The following WDR48 variants were observed in gnomAD, a reference collection of about 807,000 sequenced individuals.
WDR48 encodes the protein WD repeat-containing protein 48.
In WDR48, 22 loss-of-function variants were observed where a neutral mutation model predicts 94.0. That is an observed-to-expected ratio of 0.23 (90% CI 0.17 to 0.33). The LOEUF (loss-of-function observed/expected upper bound fraction) is 0.33, where lower values mean the gene tolerates loss of function less well. WDR48 is among the 10% of genes least tolerant of loss of function. The probability of loss-of-function intolerance (pLI) is 1.00; values close to 1 mark genes in which losing one functional copy is unlikely to be tolerated. For missense variants in WDR48, 541 were observed against 813.8 expected (o/e 0.66, Z 4.08); for synonymous variants, 278 against 280.5 (o/e 0.99, Z 0.09).
chr3:39,058,772 G>C (rs2033066357), intron 1 of WDR48, among the ~76,000 whole-genome samples: 2 of 152,114 alleles, frequency 1.3e-5, no homozygotes, highest in African/African-American at 4.8e-5. Context: ...TAATGGAGAA[G>C]ATACACCAAA....
At chr3:39,052,191 G>C in intron 1 of WDR48, 118 bp downstream of exon 1, 1 of 1,287,052 alleles carries the variant, frequency 7.8e-7, no homozygotes, top group South Asian at 1.4e-5. Flanking sequence ...GAACGGGGCG[G>C]GGCGCGGCCG....
intron 8 of WDR48, among the ~76,000 whole-genome samples, chr3:39,075,261 T>G (rs1394993163): frequency 6.8e-6 from 1 of 147,240 alleles, no homozygotes; most frequent in African/African-American, 2.5e-5. Flanking sequence ...TCTTGGTACA[T>G]CAGTGATGCA....
At chr3:39,075,990 G>A (rs1391170493) in intron 8 of WDR48, among the ~76,000 whole-genome samples, 2 of 152,084 alleles carry the variant, frequency 1.3e-5, no homozygotes, top group African/African-American at 2.4e-5. Context: ...GCCACCACAC[G>A]TGGCCGGAAG....
At chr3:39,086,779 C>T (rs759953493) in intron 14 of WDR48, among the ~76,000 whole-genome samples, 1 of 152,196 alleles carries the variant, frequency 6.6e-6, no homozygotes, top group Non-Finnish European at 1.5e-5. Flanking sequence ...GTGGTATAGT[C>T]ATGCACCCTT....
At chr3:39,072,665 G>A (rs552805521) in intron 7 of WDR48, among the ~76,000 whole-genome samples, 1 of 152,302 alleles carries the variant, frequency 6.6e-6, no homozygotes, top group African/African-American at 2.4e-5. Flanking sequence ...TTCTGTCCTA[G>A]TCCCAGGAGT....
chr3:39,073,786 T>A (rs753631071), intron 7 of WDR48, among the ~76,000 whole-genome samples: 22 of 152,184 alleles, frequency 1.4e-4, no homozygotes, highest in Non-Finnish European at 2.5e-4. Context: ...TTGAGGCTCA[T>A]ATGGAAAGTG....
At position 39,087,936 on chromosome 3, in the gene WDR48, A is replaced by G. The variant is rs761142987; in HGVS notation, c.1475-192A>G. ...AAAATACAGTCATTTTTTCCATGAA[A>G]TAGACCACAAGTTGCTGTGTTTCTT... is the stretch of plus-strand genomic sequence containing the variant. On this transcript the variant is annotated intron_variant, in intron 14 of 18. Transcript: ENST00000302313. 7.4e-5 allele frequency: 42 copies of G among 566,228 alleles called. No individual in the cohort carries two copies. The East Asian group carries it at 1.0e-3, about 14-fold the overall frequency. 35.1% of individuals were successfully genotyped at this position (566,228 alleles called of 1,614,324 possible). A position where few individuals can be genotyped will look rare whatever the true frequency, so the allele number is the denominator to read the frequency against.
intron 14 of WDR48, 60 bp from the exon 15 acceptor site, chr3:39,088,068 T>G (rs1324285594): frequency 3.6e-5 from 55 of 1,517,970 alleles, no homozygotes; most frequent in Non-Finnish European, 5.0e-5. Flanking sequence ...GAGTAAAATG[T>G]TTAGAATCTG....
In WDR48 at chr3:39,093,902, C is replaced by T; in HGVS notation, c.1774C>T (p.Gln592Ter). ...TAGACTCTCTGCTAGTGACATGCTCCAAGTCCGAAAAGTTATGGAACATGT... is the reference window on the plus strand; with the variant it reads ...TAGACTCTCTGCTAGTGACATGCTCTAAGTCCGAAAAGTTATGGAACATGT... ...KDRLSASDML[Q>*]VRKVMEHVYE... is the part of the protein sequence containing the mutation. The change falls in exon 18 of 19, where the codon CAA (glutamine) becomes TAA (stop). Residue 592 changes from glutamine (Q) to a stop codon, truncating the protein, a stop_gained. Coordinates refer to ENST00000302313, the MANE Select transcript of WDR48 (RefSeq NM_020839.4). LOFTEE classifies it high-confidence loss of function. 1 of 1,611,182 alleles carries T rather than the reference C, an allele frequency of 6.2e-7. No individual in the cohort carries two copies. Among genetic ancestry groups the T allele is most frequent in the Non-Finnish European group, 8.5e-7 (1 of 1,178,958 alleles).
intron 1 of WDR48, among the ~76,000 whole-genome samples, chr3:39,061,806 A>G (rs2033282262): frequency 6.6e-6 from 1 of 151,946 alleles, no homozygotes; most frequent in South Asian, 2.1e-4. Context: ...CTGGCATGAG[A>G]TGGTATCTCA....
chr3:39,084,651 A>G lies in WDR48; in HGVS notation c.1288A>G (p.Thr430Ala). 6.2e-7 allele frequency: 1 copy of G among 1,613,682 alleles called. No individual in the cohort carries two copies. Among genetic ancestry groups the G allele is most frequent in the Non-Finnish European group, 8.5e-7 (1 of 1,179,818 alleles). The change falls in exon 13 of 19, where the codon ACT becomes GCT. Residue 430 changes from threonine (T) to alanine (A), a missense_variant. Around this residue, in one of 5 missense-constraint regions of WDR48, gnomAD observed 238 missense variants for 285.3 expected, o/e 0.83. Coordinates refer to ENST00000302313, the MANE Select transcript of WDR48 (RefSeq NM_020839.4). ...FSVDLKTGML[T>A]ITLDESDCFA... ...AAGTTTTTTCTTTTGATAGATGTTA[A>G]CTATTACTTTGGATGAAAGTGATTG... is the stretch of plus-strand genomic sequence containing the variant.
intron 11 of WDR48, among the ~76,000 whole-genome samples, chr3:39,081,186 C>T (rs1384698585): frequency 3.3e-5 from 5 of 152,100 alleles, no homozygotes; most frequent in African/African-American, 7.2e-5. Flanking sequence ...AGGTGTTGAG[C>T]TTATTATAAA....
At chr3:39,054,330 T>C (rs547826050) in intron 1 of WDR48, among the ~76,000 whole-genome samples, 11 of 152,302 alleles carry the variant, frequency 7.2e-5, no homozygotes, top group Non-Finnish European at 1.3e-4. Context: ...GAGGGAGCTG[T>C]CCTATGCATC....
intron 2 of WDR48, among the ~76,000 whole-genome samples, chr3:39,063,913 T>C (rs1028727515): frequency 2.6e-5 from 4 of 152,226 alleles, no homozygotes; most frequent in South Asian, 4.1e-4. Context: ...ATCACACCAC[T>C]GCATTCCAGC....
Position 39,065,911 on chromosome 3 carries a change from TATTG to T in WDR48, c.268+23_268+26del, listed in dbSNP as rs773106310. 3.6e-4 allele frequency: 554 copies of T among 1,543,624 alleles called. 1 individual carries two copies. The highest frequency in any genetic ancestry group is 7.9e-4 in the South Asian group (63 of 80,066). On this transcript the variant is annotated intron_variant, in intron 3 of 18. Coordinates refer to ENST00000302313, the MANE Select transcript of WDR48 (RefSeq NM_020839.4). ...ACATGTAAGTATTTCTTTGGATTAT[TATTG>T]GGCTTCTGATATATTTTTTGTTTTT...
At chr3:39,063,413 G>C (rs1019821108) in intron 2 of WDR48, among the ~76,000 whole-genome samples, 2 of 152,102 alleles carry the variant, frequency 1.3e-5, no homozygotes, top group African/African-American at 4.8e-5. Context: ...CCCTAAACTA[G>C]GTTTGCCTTA....
chr3:39,084,016 G>T, intron 11 of WDR48, 139 bp from the exon 12 acceptor site: 1 of 526,032 alleles, frequency 1.9e-6, no homozygotes, highest in Middle Eastern at 4.3e-4. Flanking sequence ...TTTAAAAAAG[G>T]ACCACATTCT....
rs2035286043 is a variant in WDR48 at position 39,095,256 on chromosome 3, G to A, written c.*513G>A. On this transcript the variant is annotated 3_prime_UTR_variant, in exon 19 of 19. Coordinates refer to ENST00000302313, the MANE Select transcript of WDR48 (RefSeq NM_020839.4). ...CCGTTTAAGACAGTTATTTTTAATG[G>A]GAATTTGCTGTTGCACAATTTGAGA... 6.5e-6 allele frequency: 1 copy of A among 154,272 alleles called. No individual in the cohort carries two copies. Among genetic ancestry groups the A allele is most frequent in the Admixed American group, 6.4e-5 (1 of 15,576 alleles). The allele number at this position is 154,272 out of a possible 1,614,324, so 9.6% of individuals were successfully genotyped here.
At chr3:39,091,821 A>G (rs892744856) in intron 17 of WDR48, 120 bp downstream of exon 17, 10 of 872,246 alleles carry the variant, frequency 1.1e-5, no homozygotes, top group South Asian at 4.1e-5. Flanking sequence ...ATAATATTCA[A>G]AGTTTATACA....
Sources: allele counts gnomAD v4.1 joint callset (sites outside exome capture counted in the v4.1 genomes callset), GRCh38; gene constraint gnomAD v4.1.1; regional missense constraint gnomAD v4.1.1; transcripts MANE v1.5; gene names NCBI Gene and HGNC (gene_info 2026-07-23, HGNC 2026-07-21).